PRKCB: variants seen among roughly 807,000 people sequenced by gnomAD.
PRKCB encodes protein kinase C beta type.
PRKCB carries 13 observed loss-of-function variants against 81.5 expected under a neutral mutation model. That is an observed-to-expected ratio of 0.16 (90% CI 0.10 to 0.25). PRKCB has a LOEUF of 0.25. Ranked by LOEUF, PRKCB falls within the 10% of genes least tolerant of loss-of-function variation. The pLI, the probability that PRKCB is intolerant of heterozygous loss-of-function variation, is 1.00. For missense variants in PRKCB, 509 were observed against 875.7 expected (o/e 0.58, Z 5.29); for synonymous variants, 335 against 321.4 (o/e 1.04, Z -0.45).
At chr16:23,879,521 G>A (rs1963072536) in intron 2 of PRKCB, among the ~76,000 whole-genome samples, 1 of 66,132 alleles carries the variant, frequency 1.5e-5, no homozygotes, top group Non-Finnish European at 2.7e-5. Context: ...TTTTTTTTGA[G>A]ACGGAGCCCC....
intron 2 of PRKCB, among the ~76,000 whole-genome samples, chr16:23,894,917 T>A (rs142269810): frequency 1.1e-3 from 170 of 152,324 alleles, no homozygotes; most frequent in African/African-American, 3.7e-3. Context: ...GCTATTTTCA[T>A]CAAAACATCT....
rs1030408857 is a variant in PRKCB, at chr16:24,217,930, G to A, written c.*3114G>A. ...ATTTGGGAGACCTTTAGGATCAATG[G>A]GAATCAATTCCATTGTTTTGCCTCA... On this transcript the variant is annotated 3_prime_UTR_variant, in exon 17 of 17. Coordinates refer to ENST00000643927, the MANE Select transcript of PRKCB (RefSeq NM_002738.7). 1.8e-5 allele frequency: 18 copies of A among 985,214 alleles called. No homozygotes were observed. The African/African-American group carries it at 2.6e-4, about 14-fold the overall frequency. The allele number at this position is 985,214 out of a possible 1,614,324, so 61.0% of individuals were successfully genotyped here. A position where few individuals can be genotyped will look rare whatever the true frequency, so the allele number is the denominator to read the frequency against.
intron 2 of PRKCB, among the ~76,000 whole-genome samples, chr16:23,932,789 T>A (rs1196564262): frequency 6.6e-6 from 1 of 152,236 alleles, no homozygotes; most frequent in Non-Finnish European, 1.5e-5. Context: ...GGTTTCTGTT[T>A]CCTTGTAACA....
chr16:24,023,832 C>T (rs879465755), intron 3 of PRKCB, among the ~76,000 whole-genome samples: 1 of 152,204 alleles, frequency 6.6e-6, no homozygotes, highest in African/African-American at 2.4e-5. Context: ...TACCACACCC[C>T]CTCCATGACG....
At chr16:23,855,181 A>AGG (rs1202074890) in intron 2 of PRKCB, among the ~76,000 whole-genome samples, 1 of 152,048 alleles carries the variant, frequency 6.6e-6, no homozygotes, top group African/African-American at 2.4e-5. Flanking sequence ...AGAGAGAGAG[A>AGG]GAGGCGTGTG....
At chr16:24,034,086 A>G (rs1040401332) in intron 4 of PRKCB, among the ~76,000 whole-genome samples, 3 of 152,216 alleles carry the variant, frequency 2.0e-5, no homozygotes, top group Non-Finnish European at 2.9e-5. Flanking sequence ...AAACATGGCA[A>G]GAGCCACAGG....
chr16:24,109,909 G>A (rs1053323667), intron 7 of PRKCB, among the ~76,000 whole-genome samples: 5 of 127,122 alleles, frequency 3.9e-5, no homozygotes, highest in African/African-American at 7.5e-5. Context: ...GCTGGAGACC[G>A]GCCTGGCCAA....
intron 9 of PRKCB, among the ~76,000 whole-genome samples, chr16:24,138,583 TGTGA>T (rs1039083116): frequency 6.6e-6 from 1 of 152,182 alleles, no homozygotes; most frequent in African/African-American, 2.4e-5. Context: ...TCTGTTCTTT[TGTGA>T]GTGTGAGTGG....
intron 7 of PRKCB, among the ~76,000 whole-genome samples, chr16:24,094,510 C>T (rs1966415687): frequency 6.6e-6 from 1 of 152,148 alleles, no homozygotes; most frequent in Admixed American, 6.6e-5. Flanking sequence ...TGACACCTGT[C>T]ATCCCAGCAC....
chr16:23,923,757 A>G (rs929075080), intron 2 of PRKCB, among the ~76,000 whole-genome samples: 17 of 152,210 alleles, frequency 1.1e-4, no homozygotes, highest in South Asian at 2.1e-4. Flanking sequence ...TGGCATCTCC[A>G]TAGTTCCAGA....
At chr16:23,993,560 T>C (rs1439324820) in intron 3 of PRKCB, among the ~76,000 whole-genome samples, 1 of 152,184 alleles carries the variant, frequency 6.6e-6, no homozygotes, top group Non-Finnish European at 1.5e-5. Context: ...CTGTCAATAC[T>C]TTGAGAAATA....
chr16:23,877,904 G>T (rs1182268461), intron 2 of PRKCB, among the ~76,000 whole-genome samples: 1 of 151,764 alleles, frequency 6.6e-6, no homozygotes, highest in Non-Finnish European at 1.5e-5. Context: ...CATGATCTCG[G>T]CTCACCGCAA....
At chr16:24,171,151 C>A (rs1256525015) in intron 10 of PRKCB, among the ~76,000 whole-genome samples, 1 of 152,112 alleles carries the variant, frequency 6.6e-6, no homozygotes, top group Non-Finnish European at 1.5e-5. Flanking sequence ...AATGCTTTAC[C>A]TAGTTGATCT....
chr16:23,924,859 T>C (rs1963875351), intron 2 of PRKCB, among the ~76,000 whole-genome samples: 1 of 152,148 alleles, frequency 6.6e-6, no homozygotes. Context: ...CAATTTTTAC[T>C]TGTCAATTAT....
rs1301362181 is a variant in PRKCB at position 23,893,242 on chromosome 16, G to A, written c.205+55836G>A. Reference sequence around the variant, plus strand: ...AGCAGAATGAAACTTGGGGAGCAGAGGGAGAAGCCAAGAAAACTTACTGGA... The same window carrying A: ...AGCAGAATGAAACTTGGGGAGCAGAAGGAGAAGCCAAGAAAACTTACTGGA... On this transcript the variant is annotated intron_variant, in intron 2 of 16. Transcript: ENST00000643927. 3 of 152,300 alleles carry A rather than the reference G, an allele frequency of 2.0e-5. 1 individual carries two copies. The highest frequency in any genetic ancestry group is 4.4e-5 in the Non-Finnish European group (3 of 68,068). The allele number at this position is 152,300 out of a possible 1,614,324, so 9.4% of individuals were successfully genotyped here.
intron 7 of PRKCB, among the ~76,000 whole-genome samples, chr16:24,111,607 C>A (rs1458245941): frequency 6.7e-6 from 1 of 148,476 alleles, no homozygotes; most frequent in Non-Finnish European, 1.5e-5. Flanking sequence ...AGCAACATAG[C>A]AAGACCCTAT....
In PRKCB at chr16:24,216,993, A is replaced by G. The variant is rs1021287087; in HGVS notation, c.*2177A>G. On this transcript the variant is annotated 3_prime_UTR_variant, in exon 17 of 17. Transcript: ENST00000643927. ...GATCATGATCCCATTTTGCTTGGAC[A>G]TGCTCTCAGGAAGATAAAAACCATG... The G allele has an allele frequency of 5.1e-6, 5 of 985,304 alleles. No homozygotes were observed. The highest frequency in any genetic ancestry group is 6.0e-6 in the Non-Finnish European group (5 of 829,950). The allele number at this position is 985,304 out of a possible 1,614,324, so 61.0% of individuals were successfully genotyped here. A position where few individuals can be genotyped will look rare whatever the true frequency, so the allele number is the denominator to read the frequency against.
At chr16:24,209,274 T>C (rs1003910567) in intron 16 of PRKCB, among the ~76,000 whole-genome samples, 1 of 152,012 alleles carries the variant, frequency 6.6e-6, no homozygotes, top group East Asian at 1.9e-4. Context: ...CAGCAGTCCC[T>C]GCCACCATCA....
At chr16:24,116,955 G>T (rs1966742873) in intron 8 of PRKCB, among the ~76,000 whole-genome samples, 1 of 152,168 alleles carries the variant, frequency 6.6e-6, no homozygotes, top group Admixed American at 6.5e-5. Context: ...CCAGTAATTG[G>T]CTTGGAATAG....
Sources: allele counts gnomAD v4.1 joint callset (sites outside exome capture counted in the v4.1 genomes callset), GRCh38; gene constraint gnomAD v4.1.1; transcripts MANE v1.5; gene names NCBI Gene and HGNC (gene_info 2026-07-23, HGNC 2026-07-21).